SOCS4: variants seen among roughly 807,000 people sequenced by gnomAD.
SOCS4 encodes the protein suppressor of cytokine signaling 4, also known as SH2 domain containing SOCS box protein.
Under a neutral mutation model 34.1 loss-of-function variants are expected in SOCS4, and 20 were observed. The ratio of observed to expected loss-of-function variants is 0.59; its 90% CI spans 0.41 to 0.85. The LOEUF is 0.85. SOCS4 is among the 40% of genes least tolerant of loss of function. The probability of loss-of-function intolerance (pLI) is 0.00; values close to 1 mark genes in which losing one functional copy is unlikely to be tolerated. For missense variants in SOCS4, 479 were observed against 532.4 expected (o/e 0.90, Z 0.99); for synonymous variants, 180 against 186.4 (o/e 0.97, Z 0.28).
At chr14:55,035,781 C>G (rs1283298814) in intron 2 of SOCS4, among the ~76,000 whole-genome samples, 2 of 151,988 alleles carry the variant, frequency 1.3e-5, no homozygotes, top group African/African-American at 4.8e-5. Context: ...TGTGAATGCA[C>G]TGATGTTTCA....
At chr14:55,042,881 A>G (rs1372075740) in intron 2 of SOCS4, 71 bp from the exon 3 acceptor site, 2 of 635,640 alleles carry the variant, frequency 3.1e-6, no homozygotes, top group Non-Finnish European at 5.3e-6. Context: ...CTTGTGTCTA[A>G]TAGAAGCTTA....
At chr14:55,036,545 T>C (rs951212298) in intron 2 of SOCS4, among the ~76,000 whole-genome samples, 17 of 152,024 alleles carry the variant, frequency 1.1e-4, no homozygotes, top group Non-Finnish European at 2.4e-4. Context: ...GGTTTTACCA[T>C]GTTGGCCAGG....
Position 55,043,091 on chromosome 14 carries a change from A to G in SOCS4, c.50A>G (p.Lys17Arg). 1 of 1,614,054 alleles carries G rather than the reference A, an allele frequency of 6.2e-7. No individual in the cohort carries two copies. Among genetic ancestry groups the G allele is most frequent in the Non-Finnish European group, 8.5e-7 (1 of 1,179,902 alleles). Reference protein sequence around the residue: ...NISKNVDVRPKTSRSRSADRK... With the variant: ...NISKNVDVRPRTSRSRSADRK... ...AGTAAAAATGTAGATGTAAGGCCCA[A>G]AACTAGTCGGAGCAGAAGTGCCGAC... The change falls in exon 3 of 3, where the codon AAA becomes AGA. Residue 17 changes from lysine to arginine, a missense_variant. Lys to Arg is a conservative substitution (Grantham distance 26). Transcript: ENST00000555846.
chr14:55,035,725 C>T (rs947029654), intron 2 of SOCS4, among the ~76,000 whole-genome samples: 1 of 151,906 alleles, frequency 6.6e-6, no homozygotes, highest in Non-Finnish European at 1.5e-5. Context: ...TTATTTTATC[C>T]CCAACAGCCC....
Position 55,046,626 on chromosome 14 carries a change from G to T in SOCS4, c.*2262G>T, listed in dbSNP as rs1042000620. The T allele has an allele frequency of 6.0e-6, 1 of 166,738 alleles. No individual in the cohort carries two copies. Among genetic ancestry groups the T allele is most frequent in the African/African-American group, 2.4e-5 (1 of 41,332 alleles). 10.3% of individuals were successfully genotyped at this position (166,738 alleles called of 1,614,324 possible). On this transcript the variant is annotated 3_prime_UTR_variant, in exon 3 of 3. Transcript: ENST00000555846. ...GCTTTTTTATTTTTTCAACTTCAAG[G>T]TATTAACAGCTGTTAACACTTAAAA...
At chr14:55,036,058 CGCT>C (rs1163975259) in intron 2 of SOCS4, among the ~76,000 whole-genome samples, 1 of 152,100 alleles carries the variant, frequency 6.6e-6, no homozygotes, top group Admixed American at 6.5e-5. Flanking sequence ...TGCCTGCCGC[CGCT>C]ATGCTGTGGG....
intron 2 of SOCS4, among the ~76,000 whole-genome samples, chr14:55,041,762 C>T (rs1317328117): frequency 4.4e-5 from 6 of 137,270 alleles, no homozygotes; most frequent in African/African-American, 1.6e-4. Flanking sequence ...TGTGAGCCAC[C>T]GTGCCCAGCC....
chr14:55,032,908 G>A lies in SOCS4; in HGVS notation c.-91+917G>A, dbSNP rs10134274. 9.7e-3 allele frequency among the ~76,000 whole-genome samples: 1,469 copies of A among 151,946 alleles called. 33 individuals are homozygous for A. The highest frequency in any genetic ancestry group is 0.034 in the African/African-American group (1,413 of 41,432). On this transcript the variant is annotated intron_variant, in intron 2 of 2. Coordinates refer to ENST00000555846, the MANE Select transcript of SOCS4 (RefSeq NM_199421.2). ...TGCCATTCTCCTGCCTCAGCCTCCC[G>A]AGTAGCTGGGACTAGAGGCGCCTGC...
intron 2 of SOCS4, among the ~76,000 whole-genome samples, chr14:55,036,845 TG>T (rs2042576434): frequency 6.6e-6 from 1 of 152,078 alleles, no homozygotes; most frequent in Non-Finnish European, 1.5e-5. Flanking sequence ...CCAGGTGCAG[TG>T]GCTCACACCT....
intron 2 of SOCS4, among the ~76,000 whole-genome samples, chr14:55,032,399 A>T (rs1043686212): frequency 2.0e-5 from 3 of 152,118 alleles, no homozygotes; most frequent in Non-Finnish European, 2.9e-5. Context: ...TCATTTTGTT[A>T]TTGTTGTCAT....
Position 55,027,478 on chromosome 14 carries a change from G to C in SOCS4, c.-220+7G>C, listed in dbSNP as rs369017831. On this transcript the variant is annotated splice_region_variant and intron_variant, in intron 1 of 2. Coordinates refer to ENST00000555846, the MANE Select transcript of SOCS4 (RefSeq NM_199421.2). ...TTAAGCTGCGCTCCGGGAGGTGAGT[G>C]GGGGAAGGGTGGCCGCTGCCTGGCC... The C allele has an allele frequency of 6.5e-6, 1 of 153,200 alleles. No homozygotes were observed. The highest frequency in any genetic ancestry group is 6.5e-5 in the Admixed American group (1 of 15,320). The allele number at this position is 153,200 out of a possible 1,614,324, so 9.5% of individuals were successfully genotyped here. A position where few individuals can be genotyped will look rare whatever the true frequency, so the allele number is the denominator to read the frequency against.
rs1179221101 is a variant in SOCS4, at chr14:55,043,352, C to T, written c.311C>T (p.Pro104Leu). Residue 104 changes from proline (P) to leucine (L), a missense_variant, in exon 3 of 3, where the codon CCA (proline) becomes CTA (leucine). By Grantham distance (98) the Pro-to-Leu change is moderately conservative. Transcript: ENST00000555846. ...KLQDAVGQCF[P>L]IKNCSSRHSS... ...CAAGATGCCGTGGGGCAGTGTTTTC[C>T]AATAAAGAATTGTAGTAGTCGGCAC... The T allele has an allele frequency of 6.2e-7, 1 of 1,614,170 alleles. No individual in the cohort carries two copies. The highest frequency in any genetic ancestry group is 8.5e-7 in the Non-Finnish European group (1 of 1,180,018).
At chr14:55,038,135 G>A (rs1232691375) in intron 2 of SOCS4, among the ~76,000 whole-genome samples, 3 of 152,158 alleles carry the variant, frequency 2.0e-5, no homozygotes, top group African/African-American at 7.2e-5. Context: ...TTGTGCAGGG[G>A]AACTCCCATT....
chr14:55,044,297 T>C lies in SOCS4; in HGVS notation c.1256T>C (p.Leu419Pro). 4.3e-6 allele frequency: 7 copies of C among 1,613,468 alleles called. No individual in the cohort carries two copies. The highest frequency in any genetic ancestry group is 5.1e-6 in the Non-Finnish European group (6 of 1,179,474). The stretch of plus-strand genomic sequence containing the variant: ...ATTCCTTCTTCTATGAAATTATATC[T>C]GAAGGAATATCATTATAAATCAAAA... ...LPIPSSMKLY[L>P]KEYHYKSKVR... Residue 419 changes from leucine (L) to proline (P), a missense_variant, in exon 3 of 3, where the codon CTG becomes CCG. By Grantham distance (98) the Leu-to-Pro change is moderately conservative. Transcript: ENST00000555846.
chr14:55,027,325 T>TTTTTAATGATAC lies in SOCS4; in HGVS notation c.-366_-365insTTTTAATGATAC. 3.2e-5 allele frequency: 6 copies of TTTTTAATGATAC among 185,942 alleles called. No individual in the cohort carries two copies. The highest frequency in any genetic ancestry group is 1.1e-4 in the South Asian group (1 of 9,102). 11.5% of individuals were successfully genotyped at this position (185,942 alleles called of 1,614,324 possible). On this transcript the variant is annotated 5_prime_UTR_variant, in exon 1 of 3. The change creates a new upstream start codon in the 5' untranslated region. Transcript: ENST00000555846. ...CGGAACGCCGAAGCGGGGTTGGGGGTGGCAGAAAAGCATCTGCTTTGTAAG... is the reference window on the plus strand; with the variant it reads ...CGGAACGCCGAAGCGGGGTTGGGGGTTTTTAATGATACGGCAGAAAAGCATCTGCTTTGTAAG...
rs1566752862 is a variant in SOCS4, at chr14:55,031,846, T to G, written c.-219-17T>G. ...ACAAACAAACCTGTTTTCAGATTTT[T>G]TTCTTAACATTCCAAGGAGTTCATC... On this transcript the variant is annotated splice_polypyrimidine_tract_variant and intron_variant, in intron 1 of 2. Transcript: ENST00000555846. The G allele has an allele frequency of 6.6e-6, 1 of 152,234 alleles. No homozygotes were observed. Among genetic ancestry groups the G allele is most frequent in the Admixed American group, 6.5e-5 (1 of 15,292 alleles). 9.4% of individuals were successfully genotyped at this position (152,234 alleles called of 1,614,324 possible).
Position 55,043,341 on chromosome 14 carries a change from G to A in SOCS4, c.300G>A (p.Gly100=). 2 of 1,614,202 alleles carry A rather than the reference G, an allele frequency of 1.2e-6. No homozygotes were observed. The highest frequency in any genetic ancestry group is 1.7e-6 in the Non-Finnish European group (2 of 1,180,034). The change falls in exon 3 of 3, where the codon GGG becomes GGA. Residue 100 remains glycine, a synonymous_variant. Transcript: ENST00000555846. The part of the protein sequence containing the change: ...SLKQKLQDAV[G]QCFPIKNCSS... The stretch of plus-strand genomic sequence containing the variant: ...AACAGAAACTGCAAGATGCCGTGGG[G>A]CAGTGTTTTCCAATAAAGAATTGTA...
At position 55,047,473 on chromosome 14, in the gene SOCS4, A is replaced by G. The variant is rs2042687124; in HGVS notation, c.*3109A>G. 1 of 167,010 alleles carries G rather than the reference A, an allele frequency of 6.0e-6. No individual in the cohort carries two copies. The highest frequency in any genetic ancestry group is 2.4e-5 in the African/African-American group (1 of 41,456). The allele number at this position is 167,010 out of a possible 1,614,324, so 10.3% of individuals were successfully genotyped here. A position where few individuals can be genotyped will look rare whatever the true frequency, so the allele number is the denominator to read the frequency against. On this transcript the variant is annotated 3_prime_UTR_variant, in exon 3 of 3. Transcript: ENST00000555846. ...TATGTGATCTTTCTATAACCATGCC[A>G]TTCACTTAAATAATTCATGAAGGGA...
intron 1 of SOCS4, among the ~76,000 whole-genome samples, chr14:55,030,665 T>C (rs1395106394): frequency 3.9e-5 from 6 of 152,178 alleles, no homozygotes; most frequent in Non-Finnish European, 7.4e-5. Context: ...TTTTCATACC[T>C]TTTACTCCTG....
Sources: allele counts gnomAD v4.1 joint callset (sites outside exome capture counted in the v4.1 genomes callset), GRCh38; gene constraint gnomAD v4.1.1; transcripts MANE v1.5; gene names NCBI Gene and HGNC (gene_info 2026-07-23, HGNC 2026-07-21).